RBM19: variants seen among roughly 807,000 people sequenced by gnomAD.
RBM19 encodes the protein RNA binding motif protein 19.
In RBM19, 94 loss-of-function variants were observed where a neutral mutation model predicts 116.8. That is an observed-to-expected ratio of 0.80 (90% CI 0.68 to 0.95). The LOEUF (loss-of-function observed/expected upper bound fraction) is 0.95. Among genes scored for constraint, RBM19 ranks in the 40% least tolerant of loss-of-function variants. RBM19 has a pLI of 0.00. For missense variants in RBM19, 1,161 were observed against 1,220.7 expected (o/e 0.95, Z 0.73); for synonymous variants, 475 against 494.1 (o/e 0.96, Z 0.51).
chr12:113,874,483 A>T (rs1879519318), intron 21 of RBM19, among the ~76,000 whole-genome samples: 1 of 152,220 alleles, frequency 6.6e-6, no homozygotes, highest in Non-Finnish European at 1.5e-5. Flanking sequence ...CAGGCCTCCC[A>T]GGACGCATGT....
At chr12:113,876,294 G>A (rs555426294) in intron 21 of RBM19, among the ~76,000 whole-genome samples, 2 of 152,274 alleles carry the variant, frequency 1.3e-5, no homozygotes, top group East Asian at 1.9e-4. Context: ...AGGCATAGCT[G>A]GGAGGTGGGG....
At chr12:113,835,054 C>T (rs1053733578) in intron 23 of RBM19, among the ~76,000 whole-genome samples, 1 of 152,120 alleles carries the variant, frequency 6.6e-6, no homozygotes, top group African/African-American at 2.4e-5. Context: ...AGCACCCAGT[C>T]AGGAATATCT....
chr12:113,820,355 A>C (rs370658024), downstream of RBM19, among the ~76,000 whole-genome samples: 21 of 152,258 alleles, frequency 1.4e-4, no homozygotes, highest in East Asian at 2.1e-3. Flanking sequence ...CTCAAAGGAA[A>C]ATAAAAAGGC....
intron 8 of RBM19, 56 bp from the exon 9 acceptor site, chr12:113,950,210 G>T: frequency 7.2e-7 from 1 of 1,397,774 alleles, no homozygotes. Flanking sequence ...CACTTGTGGT[G>T]GTCCCCAGAG....
At chr12:113,923,301 A>G (rs1163401584) in intron 18 of RBM19, among the ~76,000 whole-genome samples, 1 of 152,174 alleles carries the variant, frequency 6.6e-6, no homozygotes, top group Non-Finnish European at 1.5e-5. Flanking sequence ...AAGCCCAGAG[A>G]CAGGCCTAGA....
At chr12:113,856,832 C>T (rs955123937) in intron 22 of RBM19, among the ~76,000 whole-genome samples, 2 of 152,190 alleles carry the variant, frequency 1.3e-5, no homozygotes, top group African/African-American at 2.4e-5. Context: ...ATTATCACCC[C>T]ATCCAAACCT....
intron 21 of RBM19, among the ~76,000 whole-genome samples, chr12:113,877,664 A>G (rs1879767844): frequency 6.6e-6 from 1 of 152,256 alleles, no homozygotes; most frequent in South Asian, 2.1e-4. Context: ...ATGAGCAGGC[A>G]GCAACGAAAG....
intron 21 of RBM19, among the ~76,000 whole-genome samples, chr12:113,870,494 T>C (rs183131175): frequency 8.4e-4 from 128 of 152,306 alleles, no homozygotes; most frequent in Admixed American, 5.5e-3. Flanking sequence ...CCAGTCTGTT[T>C]TGACTCCTCA....
chr12:113,909,132 A>AT (rs1278180058), intron 21 of RBM19, among the ~76,000 whole-genome samples: 3 of 151,784 alleles, frequency 2.0e-5, no homozygotes. Context: ...ATTTTATTCT[A>AT]TTTTTTTAGA....
At chr12:113,871,099 G>A (rs1201463217) in intron 21 of RBM19, among the ~76,000 whole-genome samples, 2 of 152,204 alleles carry the variant, frequency 1.3e-5, no homozygotes, top group African/African-American at 4.8e-5. Flanking sequence ...AGCAAAGCAA[G>A]TCACATGATG....
chr12:113,948,705 C>T (rs1294066739), intron 10 of RBM19, 128 bp downstream of exon 10: 1 of 922,782 alleles, frequency 1.1e-6, no homozygotes, highest in Non-Finnish European at 1.6e-6. Context: ...TCCCATTTTA[C>T]AGATGAGAAA....
intron 21 of RBM19, among the ~76,000 whole-genome samples, chr12:113,871,458 A>G (rs1053985677): frequency 6.7e-6 from 1 of 149,876 alleles, no homozygotes; most frequent in Non-Finnish European, 1.5e-5. Flanking sequence ...CATTTTTTCT[A>G]TAAAGGGTCA....
At chr12:113,836,526 T>C (rs1875904272) in intron 23 of RBM19, among the ~76,000 whole-genome samples, 1 of 152,010 alleles carries the variant, frequency 6.6e-6, no homozygotes, top group African/African-American at 2.4e-5. Context: ...TTACAACAAG[T>C]TTCTTTTGTC....
chr12:113,959,627 A>G (rs1312855884), intron 4 of RBM19, among the ~76,000 whole-genome samples: 7 of 152,188 alleles, frequency 4.6e-5, no homozygotes, highest in Non-Finnish European at 8.8e-5. Flanking sequence ...CAAGAAGACA[A>G]GGCCAGGGGA....
At position 113,824,787 on chromosome 12, in the gene RBM19, T is replaced by C. The variant is rs150388202; in HGVS notation, c.2786-1466A>G. ...CGTCCCTCCCAAATCAATTCAAACA[T>C]TGAACCCGTTTCTCATCATCTCCAC... On this transcript the variant is annotated intron_variant, in intron 23 of 23. Coordinates refer to ENST00000261741, the MANE Select transcript of RBM19 (RefSeq NM_016196.4). Among the ~76,000 whole-genome samples, 4 of 152,164 alleles carry C rather than the reference T, an allele frequency of 2.6e-5. No individual in the cohort carries two copies. The East Asian group carries it at 5.8e-4, about 22-fold the overall frequency.
At chr12:113,907,057 A>G (rs1383916709) in intron 21 of RBM19, among the ~76,000 whole-genome samples, 1 of 152,096 alleles carries the variant, frequency 6.6e-6, no homozygotes, top group African/African-American at 2.4e-5. Flanking sequence ...CAGCCTTCGG[A>G]GGCAGCATGG....
intron 16 of RBM19, among the ~76,000 whole-genome samples, chr12:113,928,661 G>GTGTGTGTGTGTGTGTGTGTGTC (rs1555242499): frequency 4.0e-5 from 6 of 149,516 alleles, no homozygotes; most frequent in East Asian, 4.2e-4. Flanking sequence ...GTGTGTGTGT[G>GTGTGTGTGTGTGTGTGTGTGTC]TCTGCAGCTC....
chr12:113,882,891 G>A (rs1384891132), intron 21 of RBM19, among the ~76,000 whole-genome samples: 1 of 152,248 alleles, frequency 6.6e-6, no homozygotes, highest in Non-Finnish European at 1.5e-5. Context: ...TGCTGAGTCT[G>A]CAAGCCCTGT....
At chr12:113,883,226 G>A (rs533970985) in intron 21 of RBM19, among the ~76,000 whole-genome samples, 1 of 152,358 alleles carries the variant, frequency 6.6e-6, no homozygotes, top group South Asian at 2.1e-4. Flanking sequence ...GACAGTGACA[G>A]TAGGAAATGG....
Sources: allele counts gnomAD v4.1 joint callset (sites outside exome capture counted in the v4.1 genomes callset), GRCh38; gene constraint gnomAD v4.1.1; transcripts MANE v1.5; gene names NCBI Gene and HGNC (gene_info 2026-07-23, HGNC 2026-07-21).